Variants in TTC39B observed in about 807,000 individuals in gnomAD.
TTC39B encodes tetratricopeptide repeat domain 39B.
TTC39B carries 92 observed loss-of-function variants against 96.6 expected under a neutral mutation model. The ratio of observed to expected loss-of-function variants is 0.95; its 90% confidence interval spans 0.80 to 1.13. The LOEUF (loss-of-function observed/expected upper bound fraction) is 1.13. Ranked by LOEUF, TTC39B falls within the 50% of genes most tolerant of loss-of-function variation. The probability of loss-of-function intolerance (pLI) is 0.00; values close to 1 mark genes in which losing one functional copy is unlikely to be tolerated. For synonymous variants in TTC39B, 367 were observed against 299.4 expected, an observed-to-expected ratio of 1.23 and a Z score of -2.33; for missense variants, 955 against 809.3, an observed-to-expected ratio of 1.18 and a Z score of -2.18.
intron 9 of TTC39B, 24 bp downstream of exon 9, chr9:15,192,566 G>A: frequency 6.3e-7 from 1 of 1,583,262 alleles, no homozygotes; most frequent in Non-Finnish European, 8.7e-7. Context: ...AAAAGTTCTG[G>A]TTTCTATACA....
intron 2 of TTC39B, among the ~76,000 whole-genome samples, chr9:15,237,507 T>C (rs1265616023): frequency 6.6e-6 from 1 of 152,160 alleles, no homozygotes; most frequent in African/African-American, 2.4e-5. Context: ...TGAACTCATT[T>C]ATGCACACAA....
At chr9:15,251,349 G>A (rs1357887303) in intron 2 of TTC39B, among the ~76,000 whole-genome samples, 1 of 151,990 alleles carries the variant, frequency 6.6e-6, no homozygotes, top group Non-Finnish European at 1.5e-5. Flanking sequence ...GATCACCTGA[G>A]GTTGGGAACT....
At chr9:15,276,330 C>A (rs1281045458) in intron 1 of TTC39B, among the ~76,000 whole-genome samples, 1 of 152,152 alleles carries the variant, frequency 6.6e-6, no homozygotes, top group Non-Finnish European at 1.5e-5. Context: ...TCCTTAGTAT[C>A]CCTATAGAAA....
At chr9:15,223,793 T>C (rs1820975212) in intron 3 of TTC39B, among the ~76,000 whole-genome samples, 2 of 151,666 alleles carry the variant, frequency 1.3e-5, no homozygotes, top group East Asian at 1.9e-4. Context: ...AAATCCAAAA[T>C]TGAAATGCTC....
chr9:15,256,697 A>C (rs1822763561), intron 2 of TTC39B, among the ~76,000 whole-genome samples: 1 of 152,188 alleles, frequency 6.6e-6, no homozygotes, highest in Non-Finnish European at 1.5e-5. Flanking sequence ...ACGCCAGCTG[A>C]GAGTGGAGGA....
intron 3 of TTC39B, among the ~76,000 whole-genome samples, chr9:15,222,388 A>T (rs1171387525): frequency 6.6e-6 from 1 of 152,204 alleles, no homozygotes; most frequent in African/African-American, 2.4e-5. Context: ...GGTGTGGTTC[A>T]TCACTTCAAT....
At chr9:15,177,954 C>T (rs1164821088) in intron 17 of TTC39B, 140 bp from the exon 18 acceptor site, 4 of 481,362 alleles carry the variant, frequency 8.3e-6, no homozygotes, top group African/African-American at 6.1e-5. Context: ...ACTGCAAGCT[C>T]CGTCTCCCGG....
chr9:15,170,328 T>C (rs1432793637), exon 20 of TTC39B: 5 of 152,196 alleles, frequency 3.3e-5, no homozygotes, highest in African/African-American at 4.8e-5. Flanking sequence ...GGTAGCCTAC[T>C]GTCAACATCA....
chr9:15,186,431 G>C (rs1476023991), intron 15 of TTC39B, among the ~76,000 whole-genome samples: 3 of 152,096 alleles, frequency 2.0e-5, no homozygotes, highest in Admixed American at 6.6e-5. Context: ...CAACAACCTA[G>C]AAGCTATGAC....
chr9:15,229,275 A>G (rs2033392623), intron 2 of TTC39B, among the ~76,000 whole-genome samples: 2 of 152,256 alleles, frequency 1.3e-5, no homozygotes. Context: ...ACTTGTTATA[A>G]GAGCTTGGAA....
chr9:15,254,678 C>T (rs75015438), intron 2 of TTC39B, among the ~76,000 whole-genome samples: 14,330 of 151,960 alleles, frequency 0.094, 955 homozygotes, highest in African/African-American at 0.19. Flanking sequence ...ATACCAATCA[C>T]AGGCTTAATT....
At chr9:15,288,733 C>T (rs1324402207) in intron 1 of TTC39B, among the ~76,000 whole-genome samples, 1 of 152,240 alleles carries the variant, frequency 6.6e-6, no homozygotes, top group East Asian at 1.9e-4. Flanking sequence ...CGCACTGTAA[C>T]ACAACACATG....
At chr9:15,175,919 G>A (rs1286442826) in intron 18 of TTC39B, among the ~76,000 whole-genome samples, 1 of 152,156 alleles carries the variant, frequency 6.6e-6, no homozygotes, top group Non-Finnish European at 1.5e-5. Context: ...AGGCAGGTTA[G>A]AACAAACCCA....
At chr9:15,182,204 G>T (rs2118623482) in intron 17 of TTC39B, 103 bp downstream of exon 17, 1 of 671,372 alleles carries the variant, frequency 1.5e-6, no homozygotes, top group East Asian at 2.9e-5. Flanking sequence ...TTTGTCCTTG[G>T]GATGTACACA....
intron 1 of TTC39B, among the ~76,000 whole-genome samples, chr9:15,274,657 G>A (rs1823474311): frequency 6.6e-6 from 1 of 152,144 alleles, no homozygotes; most frequent in South Asian, 2.1e-4. Context: ...TGTAACGACT[G>A]TTGTTGGTCC....
chr9:15,279,384 G>C (rs1314031467), intron 1 of TTC39B, among the ~76,000 whole-genome samples: 2 of 152,166 alleles, frequency 1.3e-5, no homozygotes, highest in African/African-American at 4.8e-5. Flanking sequence ...AAAGAGTAAG[G>C]CTTCAAAGAT....
chr9:15,193,556 A>T (rs954052695), intron 8 of TTC39B, among the ~76,000 whole-genome samples: 1 of 152,200 alleles, frequency 6.6e-6, no homozygotes, highest in Non-Finnish European at 1.5e-5. Context: ...CAAAAAATGT[A>T]AGGGTTTAGA....
intron 1 of TTC39B, among the ~76,000 whole-genome samples, chr9:15,305,126 G>T (rs1414183435): frequency 6.6e-6 from 1 of 152,186 alleles, no homozygotes; most frequent in Non-Finnish European, 1.5e-5. Context: ...CTCGAGGTTA[G>T]AGTTCTTCAA....
intron 8 of TTC39B, among the ~76,000 whole-genome samples, chr9:15,198,842 G>C (rs1351254543): frequency 2.0e-5 from 3 of 152,032 alleles, no homozygotes; most frequent in Admixed American, 6.6e-5. Flanking sequence ...TAGGTTTAAA[G>C]TAAAAGAATA....
Sources: allele counts gnomAD v4.1 joint callset (sites outside exome capture counted in the v4.1 genomes callset), GRCh38; gene constraint gnomAD v4.1.1; transcripts MANE v1.5; gene names NCBI Gene and HGNC (gene_info 2026-07-23, HGNC 2026-07-21).